ACTR3: variants seen among roughly 807,000 people sequenced by gnomAD.
ACTR3 encodes actin related protein 3.
In ACTR3, 12 loss-of-function variants were observed where a neutral mutation model predicts 56.8. The ratio of observed to expected loss-of-function variants is 0.21; its 90% CI spans 0.14 to 0.34. The LOEUF is 0.34. Ranked by LOEUF, ACTR3 falls within the 10% of genes least tolerant of loss-of-function variation. The probability of loss-of-function intolerance (pLI) is 1.00; values close to 1 mark genes in which losing one functional copy is unlikely to be tolerated. For synonymous variants in ACTR3, 162 were observed against 167.4 expected, an observed-to-expected ratio of 0.97 and a Z score of 0.25; for missense variants, 282 against 512.5, an observed-to-expected ratio of 0.55 and a Z score of 4.34.
intron 3 of ACTR3, among the ~76,000 whole-genome samples, chr2:113,917,211 T>G (rs1483159148): frequency 6.6e-6 from 1 of 152,004 alleles, no homozygotes; most frequent in Non-Finnish European, 1.5e-5. Flanking sequence ...GAGGAAAGTT[T>G]TAGCCCTTTC....
chr2:113,952,301 T>A lies in ACTR3; in HGVS notation c.1077+456T>A, dbSNP rs1680135527. 1.3e-5 allele frequency: 2 copies of A among 155,186 alleles called. 1 individual carries two copies. The highest frequency in any genetic ancestry group is 1.3e-4 in the Admixed American group (2 of 15,874). 9.6% of individuals were successfully genotyped at this position (155,186 alleles called of 1,614,324 possible). A position where few individuals can be genotyped will look rare whatever the true frequency, so the allele number is the denominator to read the frequency against. ...GTGTGCAGTCAAATCGGTGGTTTAA[T>A]AAAGTAACCTTTGTATTACATGTCC... On this transcript the variant is annotated intron_variant, in intron 10 of 11. Coordinates refer to ENST00000263238, the MANE Select transcript of ACTR3 (RefSeq NM_005721.5).
chr2:113,933,704 G>C (rs1371047920), intron 5 of ACTR3, among the ~76,000 whole-genome samples: 1 of 133,170 alleles, frequency 7.5e-6, no homozygotes, highest in Non-Finnish European at 1.6e-5. Context: ...TTTTGAGATG[G>C]AGTCTTGCTC....
At chr2:113,916,331 T>C (rs918845060) in intron 2 of ACTR3, among the ~76,000 whole-genome samples, 3 of 152,190 alleles carry the variant, frequency 2.0e-5, no homozygotes, top group Non-Finnish European at 4.4e-5. Flanking sequence ...TTGTTGTGGG[T>C]TTCACCTAAA....
intron 1 of ACTR3, among the ~76,000 whole-genome samples, chr2:113,912,331 G>A (rs1026907330): frequency 7.2e-5 from 11 of 152,096 alleles, no homozygotes; most frequent in African/African-American, 2.7e-4. Flanking sequence ...CCTGCTTATA[G>A]TTAATAGCTT....
At chr2:113,915,328 G>C (rs1160838972) in intron 2 of ACTR3, among the ~76,000 whole-genome samples, 3 of 152,104 alleles carry the variant, frequency 2.0e-5, no homozygotes, top group Non-Finnish European at 4.4e-5. Flanking sequence ...TCACATGGCT[G>C]TCTTCTTAAT....
At chr2:113,908,790 C>T (rs972901693) in intron 1 of ACTR3, among the ~76,000 whole-genome samples, 12 of 151,942 alleles carry the variant, frequency 7.9e-5, no homozygotes, top group Admixed American at 3.3e-4. Flanking sequence ...TTACTCCCTG[C>T]GGGAGAAAAT....
chr2:113,907,126 A>G (rs542749535), intron 1 of ACTR3, among the ~76,000 whole-genome samples: 4 of 152,344 alleles, frequency 2.6e-5, no homozygotes, highest in African/African-American at 4.8e-5. Context: ...AAATGAAGCC[A>G]TTTAAACTTA....
rs140855825 is a variant in ACTR3 at position 113,925,538 on chromosome 2, C to T, written c.226-1807C>T. Among the ~76,000 whole-genome samples, 299 of 152,142 alleles carry T rather than the reference C, an allele frequency of 2.0e-3. 1 individual carries two copies. The highest frequency in any genetic ancestry group is 6.9e-3 in the South Asian group (33 of 4,816). ...AAAAACCTGTAGTGTAATATTTGTT[C>T]GTATATATTTCTTTTGCTAGACTGA... On this transcript the variant is annotated intron_variant, in intron 3 of 11. Transcript: ENST00000263238.
At chr2:113,918,260 T>G (rs1156789287) in intron 3 of ACTR3, among the ~76,000 whole-genome samples, 1 of 152,230 alleles carries the variant, frequency 6.6e-6, no homozygotes, top group East Asian at 1.9e-4. Flanking sequence ...TGTTTGAACT[T>G]GAATCCTGTC....
intron 11 of ACTR3, among the ~76,000 whole-genome samples, chr2:113,956,452 T>C (rs900740874): frequency 6.6e-6 from 1 of 151,938 alleles, no homozygotes; most frequent in African/African-American, 2.4e-5. Context: ...AGTTTATCTG[T>C]AGGGAAAGTT....
intron 4 of ACTR3, among the ~76,000 whole-genome samples, chr2:113,928,297 T>C (rs1679656186): frequency 6.6e-6 from 1 of 152,224 alleles, no homozygotes; most frequent in African/African-American, 2.4e-5. Context: ...ACCTTAACAT[T>C]TGGCTATAAT....
chr2:113,912,149 T>C (rs2104592427), intron 1 of ACTR3, among the ~76,000 whole-genome samples: 1 of 152,224 alleles, frequency 6.6e-6, no homozygotes, highest in East Asian at 1.9e-4. Context: ...GTGCTAGTGT[T>C]ACAGGTGTGA....
chr2:113,960,761 C>T lies in ACTR3; in HGVS notation c.*3306C>T, dbSNP rs983982174. The T allele has an allele frequency of 1.3e-5, 2 of 151,928 alleles. No individual in the cohort carries two copies. The highest frequency in any genetic ancestry group is 4.8e-5 in the African/African-American group (2 of 41,396). The allele number at this position is 151,928 out of a possible 1,614,324, so 9.4% of individuals were successfully genotyped here. On this transcript the variant is annotated 3_prime_UTR_variant, in exon 12 of 12. Transcript: ENST00000263238. ...CCAGGCATGAGTACCTTGGATAGCCCTCTGAAGTCTGTTACCACCCAGATT... is the reference window on the plus strand; with the variant it reads ...CCAGGCATGAGTACCTTGGATAGCCTTCTGAAGTCTGTTACCACCCAGATT...
chr2:113,924,916 T>TATTC (rs199673828), intron 3 of ACTR3, among the ~76,000 whole-genome samples: 2 of 150,956 alleles, frequency 1.3e-5, no homozygotes, highest in Admixed American at 1.3e-4. Context: ...TTTATTTATT[T>TATTC]GACAGAGTGT....
rs941384380 is a variant in ACTR3, at chr2:113,960,637, A to G, written c.*3182A>G. On this transcript the variant is annotated 3_prime_UTR_variant, in exon 12 of 12. Coordinates refer to ENST00000263238, the MANE Select transcript of ACTR3 (RefSeq NM_005721.5). ...TTTTGTTCCTCTTCATTCTGGGCTAATCTGTCAATACTGAAGTCCAGTCTT... is the reference window on the plus strand; with the variant it reads ...TTTTGTTCCTCTTCATTCTGGGCTAGTCTGTCAATACTGAAGTCCAGTCTT... 1.3e-5 allele frequency: 2 copies of G among 151,970 alleles called. No individual in the cohort carries two copies. Among genetic ancestry groups the G allele is most frequent in the African/African-American group, 2.4e-5 (1 of 41,430 alleles). 9.4% of individuals were successfully genotyped at this position (151,970 alleles called of 1,614,324 possible).
chr2:113,890,984 T>C (rs1678883013), intron 1 of ACTR3, among the ~76,000 whole-genome samples: 1 of 152,208 alleles, frequency 6.6e-6, no homozygotes, highest in African/African-American at 2.4e-5. Flanking sequence ...AAAGATGTCA[T>C]GTGTTACTTC....
At chr2:113,907,977 A>C (rs112149575) in intron 1 of ACTR3, among the ~76,000 whole-genome samples, 13,787 of 106,016 alleles carry the variant, frequency 0.13, 513 homozygotes, top group Admixed American at 0.21. Context: ...TCTGTCCCCC[A>C]AAAAAAAAAA....
chr2:113,947,280 G>A (rs758430012), intron 8 of ACTR3, among the ~76,000 whole-genome samples: 2 of 152,216 alleles, frequency 1.3e-5, no homozygotes, highest in Non-Finnish European at 2.9e-5. Flanking sequence ...ATGGATAATA[G>A]CATGGGATAT....
Position 113,957,428 on chromosome 2 carries a change from C to T in ACTR3, c.1230C>T (p.His410=). ...YEEIGPSICR[H]NPVFGVMS ...AAATTGGACCTAGCATTTGTCGTCA[C>T]AATCCAGTGTTTGGAGTCATGTCGT... The change falls in exon 12 of 12, where the codon CAC becomes CAT. Residue 410 remains histidine (H), a synonymous_variant. Transcript: ENST00000263238. 6.2e-7 allele frequency: 1 copy of T among 1,613,336 alleles called. No homozygotes were observed. The highest frequency in any genetic ancestry group is 8.5e-7 in the Non-Finnish European group (1 of 1,179,546).
Sources: allele counts gnomAD v4.1 joint callset (sites outside exome capture counted in the v4.1 genomes callset), GRCh38; gene constraint gnomAD v4.1.1; transcripts MANE v1.5; gene names NCBI Gene and HGNC (gene_info 2026-07-23, HGNC 2026-07-21).